Variants in UNC80 observed in about 807,000 individuals in gnomAD.
The protein encoded by UNC80 is protein unc-80 homolog.
Under a neutral mutation model 384.6 loss-of-function variants are expected in UNC80, and 164 were observed. The ratio of observed to expected loss-of-function variants is 0.43; its 90% CI spans 0.38 to 0.49. UNC80 has a LOEUF of 0.49. Ranked by LOEUF, UNC80 falls within the 20% of genes least tolerant of loss-of-function variation. The pLI is 0.00. For synonymous variants in UNC80, 1,486 were observed against 1,527.8 expected, an observed-to-expected ratio of 0.97 and a Z score of 0.64; for missense variants, 3,330 against 4,143.0, an observed-to-expected ratio of 0.80 and a Z score of 5.39.
intron 21 of UNC80, among the ~76,000 whole-genome samples, chr2:209,846,875 A>G (rs1574714929): frequency 1.3e-5 from 2 of 152,228 alleles, no homozygotes; most frequent in East Asian, 3.9e-4. Context: ...GCAGGATACA[A>G]TTTTATCATC....
chr2:209,831,538 C>G lies in UNC80; in HGVS notation c.2722C>G (p.Leu908Val). The change falls in exon 16 of 65, where the codon CTC becomes GTC. Residue 908 changes from leucine (L) to valine (V), a missense_variant. Physicochemically the swap from Leu to Val is conservative, Grantham distance 32 (BLOSUM62 1). Coordinates refer to ENST00000673920, the MANE Select transcript of UNC80 (RefSeq NM_001371986.1). ...GIIVSAMFKS[L>V]ITRCASTTHE... ...TATCGTCAGCGCCATGTTTAAATCC[C>G]TCATCACACGCTGCGCTTCAACCAC... is the stretch of plus-strand genomic sequence containing the variant. 6.4e-7 allele frequency: 1 copy of G among 1,551,036 alleles called. No individual in the cohort carries two copies.
intron 7 of UNC80, among the ~76,000 whole-genome samples, chr2:209,797,169 T>C (rs2078214609): frequency 6.6e-6 from 1 of 152,216 alleles, no homozygotes; most frequent in Admixed American, 6.5e-5. Flanking sequence ...TTTGTATTGT[T>C]AAACAATATT....
At chr2:209,817,670 C>T in intron 10 of UNC80, 142 bp from the exon 11 acceptor site, 1 of 1,001,430 alleles carries the variant, frequency 1.0e-6, no homozygotes. Context: ...ATGGCAAGTT[C>T]AGTTCTTGCT....
intron 29 of UNC80, among the ~76,000 whole-genome samples, chr2:209,906,624 T>G (rs1457587017): frequency 6.6e-6 from 1 of 152,104 alleles, no homozygotes; most frequent in Non-Finnish European, 1.5e-5. Context: ...TAGACTGTTT[T>G]GCATTTCATG....
At chr2:209,915,715 A>G (rs2089462911) in intron 31 of UNC80, among the ~76,000 whole-genome samples, 1 of 152,244 alleles carries the variant, frequency 6.6e-6, no homozygotes, top group Non-Finnish European at 1.5e-5. Flanking sequence ...CTTTGGTTTT[A>G]AAAATAGTGT....
At chr2:209,776,163 A>C in intron 3 of UNC80, 118 bp downstream of exon 3, 356 of 1,267,704 alleles carry the variant, frequency 2.8e-4, no homozygotes, top group Non-Finnish European at 3.3e-4. Context: ...ATATTATCTC[A>C]TTTAATTATC....
chr2:209,778,682 G>C (rs2076999632), intron 4 of UNC80, among the ~76,000 whole-genome samples: 1 of 152,132 alleles, frequency 6.6e-6, no homozygotes, highest in African/African-American at 2.4e-5. Context: ...GACACACACT[G>C]CAGTTCCAAT....
chr2:209,917,225 G>A (rs2089622582), intron 31 of UNC80, among the ~76,000 whole-genome samples: 1 of 152,094 alleles, frequency 6.6e-6, no homozygotes, highest in South Asian at 2.1e-4. Context: ...AACCTATCAT[G>A]GAACCTGGCC....
At chr2:209,893,592 A>G (rs1164583877) in intron 26 of UNC80, among the ~76,000 whole-genome samples, 1 of 152,186 alleles carries the variant, frequency 6.6e-6, no homozygotes, top group Non-Finnish European at 1.5e-5. Flanking sequence ...GTATGAAGTC[A>G]TTAAGTGCAT....
intron 25 of UNC80, among the ~76,000 whole-genome samples, chr2:209,882,611 C>T (rs1011621417): frequency 2.6e-5 from 4 of 152,150 alleles, no homozygotes; most frequent in Admixed American, 6.5e-5. Context: ...TGAATTGTCA[C>T]TTTCACTATT....
rs2080770671 is a variant in UNC80, at chr2:209,829,160, T to C, written c.2479-72T>C. 2.6e-6 allele frequency: 4 copies of C among 1,516,020 alleles called. No individual in the cohort carries two copies. The South Asian group carries it at 3.8e-5, about 14-fold the overall frequency. The allele number at this position is 1,516,020 out of a possible 1,614,324, so 93.9% of individuals were successfully genotyped here. A position where few individuals can be genotyped will look rare whatever the true frequency, so the allele number is the denominator to read the frequency against. On this transcript the variant is annotated intron_variant, in intron 14 of 64. Coordinates refer to ENST00000673920, the MANE Select transcript of UNC80 (RefSeq NM_001371986.1). The stretch of plus-strand genomic sequence containing the variant: ...GAAACCCTTGCCTTCTGAAGGCTTC[T>C]GTCTCAGACTACCAGTATCCATAGC...
intron 6 of UNC80, among the ~76,000 whole-genome samples, chr2:209,793,026 G>T (rs1038180136): frequency 1.3e-5 from 2 of 152,204 alleles, no homozygotes; most frequent in African/African-American, 4.8e-5. Flanking sequence ...GCCTTATTTT[G>T]TGTGTAAAAA....
At chr2:209,991,559 GCTTAACTATAGCTATA>G (rs1215781345) in intron 61 of UNC80, among the ~76,000 whole-genome samples, 4 of 152,062 alleles carry the variant, frequency 2.6e-5, no homozygotes, top group Non-Finnish European at 5.9e-5. Flanking sequence ...TGTAATGATA[GCTTAACTATAGCTATA>G]CTTTGCCAGC....
rs1315541766 is a variant in UNC80, at chr2:209,917,793, G to A, written c.5046G>A (p.Leu1682=). The change falls in exon 32 of 65, where the codon CTG becomes CTA. Residue 1682 remains leucine, a synonymous_variant. Coordinates refer to ENST00000673920, the MANE Select transcript of UNC80 (RefSeq NM_001371986.1). ...TGTCTCTAGCTGCCATGTTCCTGCT[G>A]TGTGCAGTGAAGGTGCCTGAGGCCG... The part of the protein sequence containing the change: ...MAGAAAAMFL[L]CAVKVPEAVS... The A allele has an allele frequency of 1.9e-6, 3 of 1,552,026 alleles. No homozygotes were observed. The East Asian group carries it at 7.3e-5, about 38-fold the overall frequency.
intron 41 of UNC80, 98 bp from the exon 42 acceptor site, chr2:209,937,431 T>C (rs1318464631): frequency 1.1e-6 from 1 of 879,034 alleles, no homozygotes; most frequent in African/African-American, 1.7e-5. Context: ...TCTCCTGGCA[T>C]AGCATCCTAG....
At chr2:209,878,418 A>G (rs2084970248) in intron 24 of UNC80, among the ~76,000 whole-genome samples, 1 of 152,208 alleles carries the variant, frequency 6.6e-6, no homozygotes, top group East Asian at 1.9e-4. Context: ...TGGAAAATTT[A>G]CTGTCCTAGA....
At chr2:209,930,133 T>C (rs536545698) in intron 37 of UNC80, among the ~76,000 whole-genome samples, 162 bp downstream of exon 37, 2 of 152,276 alleles carry the variant, frequency 1.3e-5, no homozygotes, top group Admixed American at 1.3e-4. Context: ...AATACTTAAC[T>C]TTGCTGTTTT....
chr2:209,775,789 C>T (rs2076828424), intron 2 of UNC80, 100 bp from the exon 3 acceptor site: 3 of 1,234,454 alleles, frequency 2.4e-6, no homozygotes. Flanking sequence ...GGGTACAGTA[C>T]CTTGCTGTTC....
At chr2:209,812,780 A>C (rs561059552) in intron 7 of UNC80, among the ~76,000 whole-genome samples, 28 of 152,310 alleles carry the variant, frequency 1.8e-4, no homozygotes, top group Non-Finnish European at 2.8e-4. Flanking sequence ...CAAACATTCA[A>C]TTTGTTGAAC....
Sources: gnomAD v4.1 joint callset for allele counts (sites outside exome capture counted in the v4.1 genomes callset) on GRCh38, gnomAD v4.1.1 for gene constraint, MANE v1.5 for transcripts, NCBI Gene and HGNC (gene_info 2026-07-23, HGNC 2026-07-21) for gene names.